The following FAM135B variants were observed in gnomAD, a reference collection of about 807,000 sequenced individuals.
FAM135B encodes family with sequence similarity 135 member B.
FAM135B carries 43 observed loss-of-function variants against 127.7 expected under a neutral mutation model. The observed-to-expected ratio is 0.34, with a 90% CI of 0.26 to 0.43. The LOEUF (loss-of-function observed/expected upper bound fraction) is 0.43. Ranked by LOEUF, FAM135B falls within the 20% of genes least tolerant of loss-of-function variation. The pLI, the probability that FAM135B is intolerant of heterozygous loss-of-function variation, is 1.00. For synonymous variants in FAM135B, 670 were observed against 665.1 expected (o/e 1.01, Z -0.11); for missense variants, 1,558 against 1,725.6 (o/e 0.90, Z 1.72).
At chr8:138,493,803 C>T (rs74579710) in intron 1 of FAM135B, among the ~76,000 whole-genome samples, 4,223 of 152,280 alleles carry the variant, frequency 0.028, 80 homozygotes, top group Non-Finnish European at 0.039. Flanking sequence ...CTCCAAAACT[C>T]GACATCCCTG....
intron 2 of FAM135B, among the ~76,000 whole-genome samples, chr8:138,345,841 G>A (rs1034713407): frequency 6.6e-6 from 1 of 152,192 alleles, no homozygotes; most frequent in Non-Finnish European, 1.5e-5. Flanking sequence ...TTCTCCATCT[G>A]AGAAGGTGGA....
intron 1 of FAM135B, among the ~76,000 whole-genome samples, chr8:138,406,012 C>A (rs897731152): frequency 2.0e-5 from 3 of 148,238 alleles, no homozygotes; most frequent in Admixed American, 6.8e-5. Flanking sequence ...TAAATGTCTT[C>A]TTTTGAGAAG....
At chr8:138,248,988 C>T (rs572848550) in intron 6 of FAM135B, among the ~76,000 whole-genome samples, 34 of 152,152 alleles carry the variant, frequency 2.2e-4, no homozygotes, top group African/African-American at 7.7e-4. Context: ...TGACTCCAGC[C>T]GATGAAAGAA....
intron 1 of FAM135B, among the ~76,000 whole-genome samples, chr8:138,460,400 A>T (rs78619761): frequency 6.6e-6 from 1 of 152,190 alleles, no homozygotes. Context: ...AATGCAAAAC[A>T]GCAGCCTGGA....
Position 138,426,764 on chromosome 8 carries a change from T to C in FAM135B, c.-19-58762A>G, listed in dbSNP as rs568521158. 2.9e-4 allele frequency among the ~76,000 whole-genome samples: 44 copies of C among 152,110 alleles called. No homozygotes were observed. The East Asian group carries it at 5.0e-3, about 17-fold the overall frequency. ...TCTATTAAGAGTAGACCTAAACACA[T>C]ATTCCTTGACCTATGAGACACGAAT... is the stretch of plus-strand genomic sequence containing the variant. On this transcript the variant is annotated intron_variant, in intron 1 of 19. Coordinates refer to ENST00000395297, the MANE Select transcript of FAM135B (RefSeq NM_015912.4).
chr8:138,421,208 G>A (rs1834486758), intron 1 of FAM135B, among the ~76,000 whole-genome samples: 1 of 152,158 alleles, frequency 6.6e-6, no homozygotes, highest in Non-Finnish European at 1.5e-5. Flanking sequence ...AGCTACTCAG[G>A]AGGCTGAGGC....
intron 2 of FAM135B, among the ~76,000 whole-genome samples, chr8:138,314,636 C>G (rs113693836): frequency 1.4e-4 from 21 of 150,478 alleles, no homozygotes; most frequent in Non-Finnish European, 1.9e-4. Context: ...TTTCGGAGGC[C>G]GAGGCTGGAG....
intron 1 of FAM135B, among the ~76,000 whole-genome samples, chr8:138,474,866 G>C (rs113146931): frequency 7.9e-5 from 12 of 152,268 alleles, no homozygotes; most frequent in African/African-American, 2.9e-4. Context: ...AACCATCCCA[G>C]AGTAAGCACC....
At chr8:138,169,804 G>A (rs963933310) in intron 11 of FAM135B, among the ~76,000 whole-genome samples, 12 of 152,142 alleles carry the variant, frequency 7.9e-5, no homozygotes, top group South Asian at 2.1e-4. Context: ...AAAAACAAGC[G>A]ATTAAGCAAT....
At chr8:138,473,963 C>T (rs915866137) in intron 1 of FAM135B, among the ~76,000 whole-genome samples, 2 of 152,070 alleles carry the variant, frequency 1.3e-5, no homozygotes, top group African/African-American at 4.8e-5. Context: ...AAGTGAGTGC[C>T]TTGGGATACA....
chr8:138,422,830 C>T (rs944176587), intron 1 of FAM135B, among the ~76,000 whole-genome samples: 2 of 152,182 alleles, frequency 1.3e-5, no homozygotes, highest in Non-Finnish European at 1.5e-5. Flanking sequence ...CACTGCAGCA[C>T]TTTTCATAAT....
At chr8:138,289,094 C>T (rs888725501) in intron 3 of FAM135B, among the ~76,000 whole-genome samples, 3 of 152,176 alleles carry the variant, frequency 2.0e-5, no homozygotes, top group African/African-American at 7.2e-5. Flanking sequence ...CCCGGTTTTC[C>T]TCTGGACATT....
intron 1 of FAM135B, among the ~76,000 whole-genome samples, chr8:138,459,908 G>T (rs560398780): frequency 6.7e-6 from 1 of 148,952 alleles, no homozygotes; most frequent in African/African-American, 2.4e-5. Flanking sequence ...CAGCCTAAGG[G>T]AGTTACTTCA....
intron 1 of FAM135B, among the ~76,000 whole-genome samples, chr8:138,457,370 G>A (rs1836847366): frequency 6.6e-6 from 1 of 152,170 alleles, no homozygotes; most frequent in African/African-American, 2.4e-5. Context: ...GTCTAGGCTA[G>A]AGTTTCTCAA....
intron 12 of FAM135B, among the ~76,000 whole-genome samples, chr8:138,159,278 C>CAAAAAGAAAAAAAA (rs1819110158): frequency 6.3e-5 from 2 of 31,648 alleles, no homozygotes; most frequent in Admixed American, 7.9e-4. Context: ...GACTCCGTCT[C>CAAAAAGAAAAAAAA]AAAAAAAAAA....
intron 9 of FAM135B, among the ~76,000 whole-genome samples, chr8:138,195,038 T>C (rs1816496611): frequency 6.6e-6 from 1 of 152,214 alleles, no homozygotes. Flanking sequence ...AAAAATCTGT[T>C]AACATGTTTA....
chr8:138,474,610 A>T (rs1031104102), intron 1 of FAM135B, among the ~76,000 whole-genome samples: 3 of 152,150 alleles, frequency 2.0e-5, no homozygotes, highest in African/African-American at 7.2e-5. Context: ...TGCCTTTCCT[A>T]CACACAGTCA....
chr8:138,168,176 C>A (rs896967330), intron 11 of FAM135B, 127 bp from the exon 12 acceptor site: 27 of 1,097,640 alleles, frequency 2.5e-5, no homozygotes, highest in Admixed American at 1.2e-4. Flanking sequence ...TGCCCATCAT[C>A]CTTTTCTTCC....
intron 12 of FAM135B, among the ~76,000 whole-genome samples, chr8:138,154,071 G>C (rs1217370988): frequency 6.6e-6 from 1 of 152,130 alleles, no homozygotes; most frequent in African/African-American, 2.4e-5. Flanking sequence ...ACAGCTGGGT[G>C]CCCCTCTGAG....
Sources: gnomAD v4.1 joint callset for allele counts (sites outside exome capture counted in the v4.1 genomes callset) on GRCh38, gnomAD v4.1.1 for gene constraint, MANE v1.5 for transcripts, NCBI Gene and HGNC (gene_info 2026-07-23, HGNC 2026-07-21) for gene names.